The following MICAL2 variants were observed in gnomAD, a reference collection of about 807,000 sequenced individuals.
The protein encoded by MICAL2 is microtubule associated monooxygenase, calponin and LIM domain containing 2.
A neutral mutation model predicts 127.3 loss-of-function variants in MICAL2; 77 were observed. The ratio of observed to expected loss-of-function variants is 0.60; its 90% CI spans 0.50 to 0.73. The LOEUF (loss-of-function observed/expected upper bound fraction) is 0.73, where lower values mean the gene tolerates loss of function less well. MICAL2 is among the 30% of genes least tolerant of loss of function. The pLI, the probability that MICAL2 is intolerant of heterozygous loss-of-function variation, is 0.00. For missense variants in MICAL2, 1,351 were observed against 1,434.4 expected (o/e 0.94, Z 0.94); for synonymous variants, 570 against 551.1 (o/e 1.03, Z -0.48).
downstream of MICAL2, among the ~76,000 whole-genome samples, chr11:12,293,231 G>T (rs1198495376): frequency 1.3e-5 from 2 of 152,124 alleles, no homozygotes; most frequent in Non-Finnish European, 2.9e-5. Context: ...GGCCCAGCCA[G>T]TCCTACCATC....
chr11:12,233,611 G>C (rs999522474), intron 15 of MICAL2, among the ~76,000 whole-genome samples: 1 of 152,022 alleles, frequency 6.6e-6, no homozygotes, highest in African/African-American at 2.4e-5. Flanking sequence ...TTTTTAATAG[G>C]AAAACCAATT....
intron 3 of MICAL2, among the ~76,000 whole-genome samples, chr11:12,185,237 GT>G (rs561218560): frequency 6.6e-6 from 1 of 150,770 alleles, no homozygotes; most frequent in South Asian, 2.1e-4. Context: ...GGATGGGTGG[GT>G]AAGTAGATGG....
intron 4 of MICAL2, 133 bp downstream of exon 4, chr11:12,204,590 C>A: frequency 1.2e-6 from 1 of 857,354 alleles, no homozygotes; most frequent in Non-Finnish European, 1.8e-6. Flanking sequence ...GACTAACAGA[C>A]AACTAGTAAA....
intron 32 of MICAL2, among the ~76,000 whole-genome samples, chr11:12,342,372 G>A (rs529206741): frequency 2.0e-5 from 3 of 152,178 alleles, no homozygotes; most frequent in African/African-American, 4.8e-5. Context: ...GATGATCTAC[G>A]CAGCCACATG....
At chr11:12,289,715 C>T (rs913453772), downstream of MICAL2, among the ~76,000 whole-genome samples, 14 of 152,076 alleles carry the variant, frequency 9.2e-5, no homozygotes, top group East Asian at 1.9e-4. Flanking sequence ...ACCACAGGCG[C>T]GCACCACCAT....
chr11:12,232,849 C>A lies in MICAL2; in HGVS notation c.1996-3328C>A, dbSNP rs372608669. The stretch of plus-strand genomic sequence containing the variant: ...CTAGGGTTTCAGTGACCTGTGTTCA[C>A]CCATGGTCCAAAAATATTAAAAGGA... On this transcript the variant is annotated intron_variant, in intron 15 of 27. Coordinates refer to ENST00000683283, the MANE Select transcript of MICAL2 (RefSeq NM_001282663.2). Among the ~76,000 whole-genome samples, 69 of 152,328 alleles carry A rather than the reference C, an allele frequency of 4.5e-4. 1 individual carries two copies. Among genetic ancestry groups the A allele is most frequent in the African/African-American group, 1.6e-3 (68 of 41,568 alleles).
intron 24 of MICAL2, 53 bp downstream of exon 24, chr11:12,257,024 A>G (rs755830450): frequency 9.2e-6 from 14 of 1,529,590 alleles, no homozygotes; most frequent in East Asian, 2.3e-5. Context: ...CTCAGGTGTG[A>G]CCTTGGCTCG....
At chr11:12,169,302 A>C (rs1296630023) in intron 3 of MICAL2, among the ~76,000 whole-genome samples, 1 of 152,134 alleles carries the variant, frequency 6.6e-6, no homozygotes, top group Non-Finnish European at 1.5e-5. Context: ...TTATCTCAGT[A>C]GGTGTGGATC....
Position 12,116,253 on chromosome 11 carries a change from T to C in MICAL2, c.-149+5527T>C, listed in dbSNP as rs531485892. Among the ~76,000 whole-genome samples, 738 of 151,990 alleles carry C rather than the reference T, an allele frequency of 4.9e-3. 10 individuals carry two copies. Among genetic ancestry groups the C allele is most frequent in the African/African-American group, 0.017 (696 of 41,464 alleles). On this transcript the variant is annotated intron_variant, in intron 1 of 27. Transcript: ENST00000683283. Reference sequence around the variant, plus strand: ...TCGGCCTCCCAAAGTGCTGGGATTATAGGCGTGAGCCACTGCGCCTGGCCC... The same window carrying C: ...TCGGCCTCCCAAAGTGCTGGGATTACAGGCGTGAGCCACTGCGCCTGGCCC...
chr11:12,307,476 G>T (rs1187830008), intron 29 of MICAL2, among the ~76,000 whole-genome samples: 1 of 152,132 alleles, frequency 6.6e-6, no homozygotes, highest in Non-Finnish European at 1.5e-5. Context: ...TTGAGTTATA[G>T]TTAAGATATC....
chr11:12,214,637 C>T (rs1855919790), intron 7 of MICAL2, among the ~76,000 whole-genome samples: 2 of 152,194 alleles, frequency 1.3e-5, no homozygotes, highest in Non-Finnish European at 2.9e-5. Flanking sequence ...CTGAATAAAA[C>T]AATCAGAATA....
At chr11:12,298,036 G>A (rs975022988) in intron 29 of MICAL2, among the ~76,000 whole-genome samples, 4 of 151,162 alleles carry the variant, frequency 2.6e-5, no homozygotes, top group Non-Finnish European at 5.9e-5. Context: ...TATGAACTTA[G>A]TATAAGCTTG....
In MICAL2 at chr11:12,162,190, C is replaced by T. The variant is rs138754325; in HGVS notation, c.35C>T (p.Ala12Val). Residue 12 changes from alanine to valine, a missense_variant, in exon 3 of 28, where the codon GCG becomes GTG. Ala to Val is a moderately conservative substitution (Grantham distance 64). This residue lies in a region of MICAL2 where 599 missense variants were observed against 714.9 expected (regional missense o/e 0.84). Coordinates refer to ENST00000683283, the MANE Select transcript of MICAL2 (RefSeq NM_001282663.2). The stretch of plus-strand genomic sequence containing the variant: ...AACGAGGATGAGAAGCAGGCCCAGG[C>T]GGGGCAGGTTTTTGAGAACTTTGTC... ...GENEDEKQAQAGQVFENFVQA... is the reference protein window; with the variant it reads ...GENEDEKQAQVGQVFENFVQA... The T allele has an allele frequency of 5.5e-4, 886 of 1,614,150 alleles. 2 individuals carry two copies. The highest frequency in any genetic ancestry group is 4.4e-3 in the African/African-American group (332 of 75,026).
chr11:12,136,917 C>T (rs916362344), intron 1 of MICAL2, among the ~76,000 whole-genome samples: 2 of 152,190 alleles, frequency 1.3e-5, no homozygotes, highest in African/African-American at 4.8e-5. Flanking sequence ...TGGGTAGGGA[C>T]TTCTGTTCCT....
chr11:12,129,040 T>C (rs1851184869), intron 1 of MICAL2, among the ~76,000 whole-genome samples: 1 of 152,234 alleles, frequency 6.6e-6, no homozygotes, highest in Non-Finnish European at 1.5e-5. Flanking sequence ...GTCCATCCTC[T>C]CTGCAGGATC....
intron 32 of MICAL2, among the ~76,000 whole-genome samples, chr11:12,331,347 GCTT>G (rs1386049032): frequency 6.6e-6 from 1 of 152,194 alleles, no homozygotes; most frequent in Non-Finnish European, 1.5e-5. Flanking sequence ...AGCTTTACCA[GCTT>G]TGGGGAAGAT....
In MICAL2 at chr11:12,113,430, A is replaced by G. The variant is rs568097914; in HGVS notation, c.-149+2704A>G. Reference sequence around the variant, plus strand: ...TTACAACTTGCCTGCATCACACAGCATGTATGAGTGCAGTTTGAGTGTGGA... The same window carrying G: ...TTACAACTTGCCTGCATCACACAGCGTGTATGAGTGCAGTTTGAGTGTGGA... On this transcript the variant is annotated intron_variant, in intron 1 of 27. Transcript: ENST00000683283. Among the ~76,000 whole-genome samples the G allele has an allele frequency of 1.6e-4, 24 of 152,358 alleles. No homozygotes were observed. The South Asian group carries it at 5.0e-3, about 32-fold the overall frequency.
chr11:12,320,681 C>T (rs1864283215), intron 30 of MICAL2, among the ~76,000 whole-genome samples: 1 of 152,052 alleles, frequency 6.6e-6, no homozygotes, highest in Non-Finnish European at 1.5e-5. Context: ...TATTTACTTA[C>T]ACTCAACTTT....
intron 22 of MICAL2, chr11:12,252,758 G>A (rs967141290): frequency 5.3e-5 from 8 of 152,220 alleles, no homozygotes; most frequent in African/African-American, 1.9e-4. Context: ...TTATGTTTGA[G>A]GCTTTCTCTT....
Sources: allele counts gnomAD v4.1 joint callset (sites outside exome capture counted in the v4.1 genomes callset), GRCh38; gene constraint gnomAD v4.1.1; regional missense constraint gnomAD v4.1.1; transcripts MANE v1.5; gene names NCBI Gene and HGNC (gene_info 2026-07-23, HGNC 2026-07-21).